The following TEAD2 variants were observed in gnomAD, a reference collection of about 807,000 sequenced individuals.
TEAD2 encodes the protein transcriptional enhancer factor TEF-4.
Under a neutral mutation model 61.4 loss-of-function variants are expected in TEAD2, and 51 were observed. The ratio of observed to expected loss-of-function variants is 0.83; its 90% CI spans 0.66 to 1.05. The LOEUF is 1.05. Ranked by LOEUF, TEAD2 falls within the 50% of genes least tolerant of loss-of-function variation. TEAD2 has a pLI of 0.00. For synonymous variants in TEAD2, 244 were observed against 243.2 expected, an observed-to-expected ratio of 1.00 and a Z score of -0.03; for missense variants, 509 against 600.0, an observed-to-expected ratio of 0.85 and a Z score of 1.58.
chr19:49,347,121 AG>A, intron 10 of TEAD2, 68 bp downstream of exon 10: 1 of 1,577,350 alleles, frequency 6.3e-7, no homozygotes, highest in Non-Finnish European at 8.7e-7. Flanking sequence ...AGATTCTCTC[AG>A]GGCCAGAGGC....
chr19:49,352,117 A>T (rs955682583), intron 7 of TEAD2, among the ~76,000 whole-genome samples: 1 of 152,104 alleles, frequency 6.6e-6, no homozygotes, highest in East Asian at 1.9e-4. Flanking sequence ...ACCAACACTC[A>T]GGAGATGGGA....
chr19:49,347,261 C>G lies in TEAD2; in HGVS notation c.850G>C (p.Glu284Gln). 1 of 1,614,124 alleles carries G rather than the reference C, an allele frequency of 6.2e-7. No homozygotes were observed. The highest frequency in any genetic ancestry group is 8.5e-7 in the Non-Finnish European group (1 of 1,180,022). Residue 284 changes from glutamate (E) to glutamine (Q), a missense_variant, in exon 10 of 13, where the codon GAG (glutamate) becomes CAG (glutamine). Transcript: ENST00000593945. ...DVRQIYDKFP[E>Q]KKGGLRELYD... ...AGCTCTCGGAGGCCACCCTTTTTCTCAGGGAATTTGTCGTAGATCTGCCGG... is the reference window on the plus strand; with the variant it reads ...AGCTCTCGGAGGCCACCCTTTTTCTGAGGGAATTTGTCGTAGATCTGCCGG...
chr19:49,359,280 C>A lies in TEAD2; in HGVS notation c.297+155G>T. On this transcript the variant is annotated intron_variant, in intron 3 of 12. Coordinates refer to ENST00000593945, the MANE Select transcript of TEAD2 (RefSeq NM_001256660.2). The surrounding 1 kb of genome is among the most constrained non-coding windows in gnomAD (Gnocchi z 4.1). ...ATAAATAACCCAGCCTCGGGTAATT[C>A]TTTATAGCAATACAAACGGACTAAC... 1.4e-6 allele frequency: 1 copy of A among 704,586 alleles called. No homozygotes were observed. The highest frequency in any genetic ancestry group is 2.5e-6 in the Non-Finnish European group (1 of 394,816). The allele number at this position is 704,586 out of a possible 1,614,324, so 43.6% of individuals were successfully genotyped here.
chr19:49,348,136 G>C (rs1200499021), intron 9 of TEAD2, among the ~76,000 whole-genome samples: 1 of 151,580 alleles, frequency 6.6e-6, no homozygotes, highest in South Asian at 2.1e-4. Context: ...AAATGGCAGA[G>C]CCACAAAATG....
At chr19:49,350,358 C>T (rs375810494) in intron 8 of TEAD2, among the ~76,000 whole-genome samples, 3 of 152,046 alleles carry the variant, frequency 2.0e-5, no homozygotes, top group East Asian at 1.9e-4. Flanking sequence ...CTTGCTCTGT[C>T]GCCCAGTCTG....
At chr19:49,345,602 C>T (rs1392344216) in intron 10 of TEAD2, among the ~76,000 whole-genome samples, 2 of 152,144 alleles carry the variant, frequency 1.3e-5, no homozygotes, top group East Asian at 1.9e-4. Context: ...GAAACTCTCG[C>T]CTCAGCTTCC....
intron 10 of TEAD2, among the ~76,000 whole-genome samples, chr19:49,346,182 A>AAAT (rs1971625382): frequency 9.2e-6 from 1 of 108,972 alleles, no homozygotes. Flanking sequence ...AAAAAAAAAA[A>AAAT]AAACAATAAA....
At chr19:49,354,263 G>A (rs1334015776) in intron 7 of TEAD2, among the ~76,000 whole-genome samples, 2 of 151,852 alleles carry the variant, frequency 1.3e-5, no homozygotes, top group Non-Finnish European at 2.9e-5. Context: ...CAGCACTTTG[G>A]GAGGTCCAGG....
intron 10 of TEAD2, among the ~76,000 whole-genome samples, chr19:49,344,560 C>A (rs368973167): frequency 6.6e-6 from 1 of 152,276 alleles, no homozygotes; most frequent in East Asian, 1.9e-4. Context: ...AGATTACAGG[C>A]ATGAGCCACT....
chr19:49,359,882 C>G lies in TEAD2; in HGVS notation c.194G>C (p.Arg65Pro). 6.2e-7 allele frequency: 1 copy of G among 1,613,638 alleles called. No individual in the cohort carries two copies. The highest frequency in any genetic ancestry group is 8.5e-7 in the Non-Finnish European group (1 of 1,180,016). ...TTCATCAGACAAAATTATTTTCCGGCGGCCGCAGGGTGGATAGATGGCCAG... is the reference window on the plus strand; with the variant it reads ...TTCATCAGACAAAATTATTTTCCGGGGGCCGCAGGGTGGATAGATGGCCAG... ...EALAIYPPCGRRKIILSDEGK... is the reference protein window; with the variant it reads ...EALAIYPPCGPRKIILSDEGK... The change falls in exon 2 of 13, where the codon CGC (arginine) becomes CCC (proline). Residue 65 changes from arginine to proline, a missense_variant. Physicochemically the swap from Arg to Pro is moderately radical, Grantham distance 103. Transcript: ENST00000593945. The surrounding 1 kb of genome is among the most constrained non-coding windows in gnomAD (Gnocchi z 4.1).
rs181041363 is a variant in TEAD2 at position 49,344,444 on chromosome 19, C to T, written c.922-1046G>A. 3.9e-5 allele frequency among the ~76,000 whole-genome samples: 6 copies of T among 152,190 alleles called. No individual in the cohort carries two copies. The East Asian group carries it at 1.2e-3, about 30-fold the overall frequency. ...TACAGGCGCACGCCACCATGTCTGG[C>T]TAATTTTTGTATTTTTAGTAGAGAC... On this transcript the variant is annotated intron_variant, in intron 10 of 12. Coordinates refer to ENST00000593945, the MANE Select transcript of TEAD2 (RefSeq NM_001256660.2).
At chr19:49,342,843 C>T (rs1971388916) in intron 11 of TEAD2, among the ~76,000 whole-genome samples, 1 of 152,120 alleles carries the variant, frequency 6.6e-6, no homozygotes, top group Non-Finnish European at 1.5e-5. Context: ...CTGGACTCCT[C>T]TAACCTCCCA....
intron 8 of TEAD2, among the ~76,000 whole-genome samples, chr19:49,350,830 G>A (rs1242506048): frequency 2.0e-5 from 3 of 151,866 alleles, no homozygotes; most frequent in South Asian, 2.1e-4. Flanking sequence ...AGCCCCTCCC[G>A]GCTCCCCCGC....
At chr19:49,360,680 G>A (rs1972788013) in intron 1 of TEAD2, among the ~76,000 whole-genome samples, 1 of 150,400 alleles carries the variant, frequency 6.6e-6, no homozygotes, top group South Asian at 2.1e-4. Context: ...GTGAGCAGCA[G>A]CTGCCAGAAA....
At chr19:49,350,575 T>A (rs1011756548) in intron 8 of TEAD2, among the ~76,000 whole-genome samples, 2 of 152,094 alleles carry the variant, frequency 1.3e-5, no homozygotes, top group Non-Finnish European at 2.9e-5. Context: ...CCTCAGGTGA[T>A]CCACCCGCCT....
In TEAD2 at chr19:49,343,277, G is replaced by C. The variant is rs199898937; in HGVS notation, c.1043C>G (p.Ser348Cys). ...ESLEHMTLTC[S>C]SKVCSFGKQV... ...CTTGCCAAAAGAGCAGACCTTGGAGGAACAGGTGAGGGTCATGTGTTCCAG... is the reference window on the plus strand; with the variant it reads ...CTTGCCAAAAGAGCAGACCTTGGAGCAACAGGTGAGGGTCATGTGTTCCAG... Residue 348 changes from serine (S) to cysteine (C), a missense_variant, in exon 11 of 13, where the codon TCC becomes TGC. Ser to Cys is a moderately radical substitution (Grantham distance 112, BLOSUM62 -1). Transcript: ENST00000593945. 100 of 1,613,796 alleles carry C rather than the reference G, an allele frequency of 6.2e-5. 1 individual carries two copies. In the East Asian group the frequency reaches 2.2e-3, roughly 36 times the overall value.
At chr19:49,351,165 G>C in intron 8 of TEAD2, 136 bp downstream of exon 8, 1 of 824,502 alleles carries the variant, frequency 1.2e-6, no homozygotes, top group Non-Finnish European at 1.9e-6. Flanking sequence ...GCGACAGAGG[G>C]AGACTCCATC....
Position 49,358,548 on chromosome 19 carries a change from G to T in TEAD2, c.297+887C>A, listed in dbSNP as rs532103536. 6.8e-4 allele frequency among the ~76,000 whole-genome samples: 103 copies of T among 152,132 alleles called. No individual in the cohort carries two copies. In the South Asian group the frequency reaches 0.013, roughly 19 times the overall value. ...CCGCCATGATTGGAGGCTTCCTGAG[G>T]CCTCACCAGGAGCAGATGCCAGCTC... On this transcript the variant is annotated intron_variant, in intron 3 of 12. Transcript: ENST00000593945.
At chr19:49,352,191 G>A (rs1488704710) in intron 7 of TEAD2, among the ~76,000 whole-genome samples, 1 of 152,126 alleles carries the variant, frequency 6.6e-6, no homozygotes, top group Non-Finnish European at 1.5e-5. Flanking sequence ...GGATGGAAAT[G>A]TTCTATTGGA....
Sources: allele counts gnomAD v4.1 joint callset (sites outside exome capture counted in the v4.1 genomes callset), GRCh38; gene constraint gnomAD v4.1.1; non-coding constraint Gnocchi (gnomAD v3.1); transcripts MANE v1.5; gene names NCBI Gene and HGNC (gene_info 2026-07-23, HGNC 2026-07-21).